ATOX1: variants seen among roughly 807,000 people sequenced by gnomAD.
ATOX1 encodes the protein copper transport protein ATOX1.
ATOX1 carries 4 observed loss-of-function variants against 7.3 expected under a neutral mutation model. That is an observed-to-expected ratio of 0.55 (90% CI 0.27 to 1.25). ATOX1 has a LOEUF of 1.25. Ranked by LOEUF, ATOX1 falls within the 50% of genes most tolerant of loss-of-function variation. The pLI, the probability that ATOX1 is intolerant of heterozygous loss-of-function variation, is 0.12. For synonymous variants in ATOX1, 25 were observed against 28.7 expected (o/e 0.87, Z 0.41); for missense variants, 68 against 81.6 (o/e 0.83, Z 0.64).
intron 2 of ATOX1, among the ~76,000 whole-genome samples, chr5:151,751,225 C>T (rs908846552): frequency 2.9e-5 from 4 of 140,028 alleles, no homozygotes; most frequent in Non-Finnish European, 4.5e-5. Flanking sequence ...CATTGCACTC[C>T]AGGCTGAGCA....
intron 1 of ATOX1, among the ~76,000 whole-genome samples, chr5:151,753,291 CCTGA>C (rs1432763992): frequency 6.6e-6 from 1 of 152,190 alleles, no homozygotes; most frequent in Non-Finnish European, 1.5e-5. Context: ...TTCCCAAATT[CCTGA>C]CTCTCAGAAA....
intron 3 of ATOX1, chr5:151,745,415 G>A (rs1373210564): frequency 6.6e-6 from 1 of 152,170 alleles, no homozygotes; most frequent in Non-Finnish European, 1.5e-5. Flanking sequence ...CACATCAGAG[G>A]TGTGGCGATC....
intron 2 of ATOX1, among the ~76,000 whole-genome samples, chr5:151,750,447 A>G (rs1761932763): frequency 6.6e-6 from 1 of 151,072 alleles, no homozygotes; most frequent in African/African-American, 2.4e-5. Context: ...CAGAGGCTGC[A>G]ATGAGCTGAG....
At chr5:151,750,993 G>A (rs928980865) in intron 2 of ATOX1, among the ~76,000 whole-genome samples, 5 of 151,770 alleles carry the variant, frequency 3.3e-5, no homozygotes, top group Admixed American at 6.6e-5. Context: ...AGGGTGGCTC[G>A]CGCCTGTAAT....
intron 1 of ATOX1, among the ~76,000 whole-genome samples, chr5:151,757,591 C>T (rs1762033789): frequency 6.6e-6 from 1 of 152,198 alleles, no homozygotes; most frequent in South Asian, 2.1e-4. Context: ...TCTGGGTATC[C>T]ACCTGGCCCA....
rs1268517751 is a variant in ATOX1 at position 151,744,344 on chromosome 5, TC to T, written c.*47-1386del. 3.9e-5 allele frequency: 6 copies of T among 152,342 alleles called. No individual in the cohort carries two copies. In the East Asian group the frequency reaches 9.6e-4, roughly 24 times the overall value. 9.4% of individuals were successfully genotyped at this position (152,342 alleles called of 1,614,324 possible). A position where few individuals can be genotyped will look rare whatever the true frequency, so the allele number is the denominator to read the frequency against. ...GCTAAGCTTGCAGGAGTTATTTATATCCTACTGTTCAAGGTCATCACCAAGG... is the reference window on the plus strand; with the variant it reads ...GCTAAGCTTGCAGGAGTTATTTATATCTACTGTTCAAGGTCATCACCAAGG... On this transcript the variant is annotated intron_variant, in intron 3 of 3. Coordinates refer to ENST00000313115, the MANE Select transcript of ATOX1 (RefSeq NM_004045.4).
chr5:151,747,451 A>C (rs28918969), intron 2 of ATOX1, among the ~76,000 whole-genome samples: 203 of 151,716 alleles, frequency 1.3e-3, no homozygotes, highest in Middle Eastern at 0.01. Context: ...ATGCCTGGTT[A>C]AGTTTTGTAT....
At chr5:151,756,263 G>A (rs530537722) in intron 1 of ATOX1, among the ~76,000 whole-genome samples, 7 of 151,678 alleles carry the variant, frequency 4.6e-5, no homozygotes, top group Non-Finnish European at 7.4e-5. Flanking sequence ...CTTCTTGACA[G>A]ATGAGGAAAC....
intron 3 of ATOX1, chr5:151,743,866 A>G (rs1245187930): frequency 6.6e-6 from 1 of 152,184 alleles, no homozygotes; most frequent in Non-Finnish European, 1.5e-5. Context: ...GATCTGAGTG[A>G]CGGGTACTTG....
chr5:151,751,849 GC>G, intron 1 of ATOX1, 70 bp from the exon 2 acceptor site: 1 of 1,471,348 alleles, frequency 6.8e-7, no homozygotes, highest in East Asian at 2.5e-5. Flanking sequence ...CAGCAGACAG[GC>G]CCACTCAGGG....
At chr5:151,753,013 A>G (rs1177751689) in intron 1 of ATOX1, among the ~76,000 whole-genome samples, 2 of 152,198 alleles carry the variant, frequency 1.3e-5, no homozygotes, top group African/African-American at 2.4e-5. Flanking sequence ...ACAATGTCAT[A>G]AAGGACACTG....
intron 1 of ATOX1, 77 bp from the exon 2 acceptor site, chr5:151,751,856 C>T: frequency 7.0e-7 from 1 of 1,436,946 alleles, no homozygotes. Flanking sequence ...CAGGCCCACT[C>T]AGGGTCAAGA....
intron 2 of ATOX1, among the ~76,000 whole-genome samples, chr5:151,748,329 C>T (rs1435013329): frequency 6.6e-6 from 1 of 152,092 alleles, no homozygotes; most frequent in Non-Finnish European, 1.5e-5. Flanking sequence ...TCTCACAGGC[C>T]TCAGCTACCT....
intron 1 of ATOX1, among the ~76,000 whole-genome samples, chr5:151,755,633 C>A (rs193010282): frequency 1.8e-3 from 277 of 152,242 alleles, no homozygotes; most frequent in African/African-American, 6.4e-3. Context: ...AGGTCCCATC[C>A]CCCACAGTAT....
At chr5:151,752,378 C>G in intron 1 of ATOX1, 1 of 701,562 alleles carries the variant, frequency 1.4e-6, no homozygotes, top group East Asian at 2.7e-5. Context: ...TGCCTGGGTT[C>G]CCCAGTGGGT....
chr5:151,750,509 C>A (rs1265434044), intron 2 of ATOX1, among the ~76,000 whole-genome samples: 2,935 of 101,242 alleles, frequency 0.029, no homozygotes, highest in South Asian at 0.033. Flanking sequence ...GACTTCATCT[C>A]AAAAAAAAAA....
At chr5:151,756,620 G>A (rs1456368782) in intron 1 of ATOX1, among the ~76,000 whole-genome samples, 8 of 152,010 alleles carry the variant, frequency 5.3e-5, no homozygotes, top group Non-Finnish European at 8.8e-5. Flanking sequence ...CTATAGGCAC[G>A]GGCCACCACG....
At chr5:151,748,375 C>T (rs28917204) in intron 2 of ATOX1, among the ~76,000 whole-genome samples, 19 of 152,296 alleles carry the variant, frequency 1.2e-4, no homozygotes, top group Non-Finnish European at 2.4e-4. Flanking sequence ...TGGCCAGCTC[C>T]TGTGGCCTTT....
chr5:151,748,583 C>T (rs528377050), intron 2 of ATOX1, among the ~76,000 whole-genome samples: 2 of 152,168 alleles, frequency 1.3e-5, no homozygotes, highest in African/African-American at 2.4e-5. Context: ...TATGGTTGGC[C>T]AGGCGTGGTG....
Sources: gnomAD v4.1 joint callset for allele counts (sites outside exome capture counted in the v4.1 genomes callset) on GRCh38, gnomAD v4.1.1 for gene constraint, MANE v1.5 for transcripts, NCBI Gene and HGNC (gene_info 2026-07-23, HGNC 2026-07-21) for gene names.